The following SEPTIN2 variants were observed in gnomAD, a reference collection of about 807,000 sequenced individuals.
The protein encoded by SEPTIN2 is septin-2.
SEPTIN2 carries 34 observed loss-of-function variants against 46.5 expected under a neutral mutation model. The observed-to-expected ratio is 0.73, with a 90% CI of 0.56 to 0.97. The LOEUF is 0.97. SEPTIN2 is among the 50% of genes least tolerant of loss of function. The probability of loss-of-function intolerance (pLI) is 0.00; values close to 1 mark genes in which losing one functional copy is unlikely to be tolerated. For missense variants in SEPTIN2, 347 were observed against 448.4 expected, an observed-to-expected ratio of 0.77 and a Z score of 2.04; for synonymous variants, 175 against 153.4, an observed-to-expected ratio of 1.14 and a Z score of -1.04.
intron 10 of SEPTIN2, among the ~76,000 whole-genome samples, chr2:241,347,074 G>A (rs1020335105): frequency 6.6e-6 from 1 of 152,124 alleles, no homozygotes; most frequent in Non-Finnish European, 1.5e-5. Context: ...TGGCAACATA[G>A]GGAGACCTCG....
chr2:241,350,185 A>G lies in SEPTIN2; in HGVS notation c.*11A>G, dbSNP rs201771016. ...GGGCACCACGTGTAAGGTGATGTGC[A>G]CATATCAAGAAGTCAGAGGTAGGCC... is the stretch of plus-strand genomic sequence containing the variant. On this transcript the variant is annotated 3_prime_UTR_variant, in exon 12 of 13. Coordinates refer to ENST00000391971, the MANE Select transcript of SEPTIN2 (RefSeq NM_004404.5). 1.2e-4 allele frequency: 199 copies of G among 1,599,778 alleles called. 1 individual carries two copies. The African/African-American group carries it at 2.1e-3, about 17-fold the overall frequency.
chr2:241,332,013 TTA>T (rs2079080668), intron 3 of SEPTIN2, among the ~76,000 whole-genome samples: 1 of 152,180 alleles, frequency 6.6e-6, no homozygotes, highest in African/African-American at 2.4e-5. Context: ...AACTAGATGA[TTA>T]TGTGTGAAAA....
At chr2:241,337,599 TTAAGA>T (rs1373242531) in intron 6 of SEPTIN2, 69 bp from the exon 7 acceptor site, 2 of 1,580,464 alleles carry the variant, frequency 1.3e-6, no homozygotes, top group African/African-American at 1.4e-5. Flanking sequence ...AATATAAGAA[TTAAGA>T]TAATTTGAGA....
Position 241,336,079 on chromosome 2 carries a change from G to T in SEPTIN2, c.322G>T (p.Ala108Ser). The T allele has an allele frequency of 3.1e-6, 5 of 1,614,184 alleles. No homozygotes were observed. The highest frequency in any genetic ancestry group is 3.4e-6 in the Non-Finnish European group (4 of 1,180,030). The change falls in exon 5 of 13, where the codon GCT (alanine) becomes TCT (serine). Residue 108 changes from alanine to serine, a missense_variant. Coordinates refer to ENST00000391971, the MANE Select transcript of SEPTIN2 (RefSeq NM_004404.5). Reference protein sequence around the residue: ...TVVDTPGYGDAINCRDCFKTI... With the variant: ...TVVDTPGYGDSINCRDCFKTI... ...GGTAGATACCCCTGGCTATGGTGAC[G>T]CTATCAACTGCAGAGATTGGTATGC...
rs1419731360 is a variant in SEPTIN2, at chr2:241,353,105, G to A, written c.*1168G>A. 4 of 152,206 alleles carry A rather than the reference G, an allele frequency of 2.6e-5. No individual in the cohort carries two copies. Among genetic ancestry groups the A allele is most frequent in the Non-Finnish European group, 5.9e-5 (4 of 68,038 alleles). The allele number at this position is 152,206 out of a possible 1,614,324, so 9.4% of individuals were successfully genotyped here. A position where few individuals can be genotyped will look rare whatever the true frequency, so the allele number is the denominator to read the frequency against. The stretch of plus-strand genomic sequence containing the variant: ...TGAGTAATTTTCTGATGGGAGGAAA[G>A]TAGCAGTCATCATCTTTTTGTGTGC... On this transcript the variant is annotated 3_prime_UTR_variant, in exon 13 of 13. Coordinates refer to ENST00000391971, the MANE Select transcript of SEPTIN2 (RefSeq NM_004404.5).
intron 1 of SEPTIN2, chr2:241,318,361 T>C (rs2076680357): frequency 6.6e-6 from 1 of 152,234 alleles, no homozygotes; most frequent in South Asian, 2.1e-4. Context: ...GCCTGCTCTT[T>C]TCTATCCTCA....
At chr2:241,342,858 C>G in intron 7 of SEPTIN2, 134 bp from the exon 8 acceptor site, 1 of 603,428 alleles carries the variant, frequency 1.7e-6, no homozygotes, top group South Asian at 2.1e-5. Context: ...ATTTATTTGA[C>G]AGTAACTTTC....
chr2:241,324,919 T>C (rs928434605), intron 2 of SEPTIN2: 15 of 152,244 alleles, frequency 9.9e-5, no homozygotes, highest in African/African-American at 3.4e-4. Flanking sequence ...AAAGAACATA[T>C]TCTGAGAAAA....
At chr2:241,350,245 T>A (rs1029270321) in intron 12 of SEPTIN2, 42 bp downstream of exon 12, 5 of 1,002,480 alleles carry the variant, frequency 5.0e-6, no homozygotes, top group Non-Finnish European at 6.9e-6. Context: ...AGGCAGTTAC[T>A]AACATTGTGT....
chr2:241,346,288 C>G (rs1309723468), intron 10 of SEPTIN2, 39 bp downstream of exon 10: 2 of 1,508,340 alleles, frequency 1.3e-6, no homozygotes, highest in East Asian at 2.3e-5. Flanking sequence ...TTGTGTCACC[C>G]TGAGCCACAA....
intron 9 of SEPTIN2, 58 bp from the exon 10 acceptor site, chr2:241,346,108 T>A: frequency 2.3e-6 from 3 of 1,295,396 alleles, no homozygotes; most frequent in East Asian, 2.3e-5. Context: ...GTGGTTTTTT[T>A]TCTCATGAGA....
Position 241,332,364 on chromosome 2 carries a change from T to C in SEPTIN2, c.131-2762T>C, listed in dbSNP as rs2079138503. 2.0e-5 allele frequency among the ~76,000 whole-genome samples: 3 copies of C among 152,154 alleles called. No homozygotes were observed. In the South Asian group the frequency reaches 6.2e-4, roughly 31 times the overall value. On this transcript the variant is annotated intron_variant, in intron 3 of 12. Transcript: ENST00000391971. ...CCACTTACAAAGAGGGGGCAAAAGA[T>C]CTGAATAGACATTTCACTAAGGAAG... is the stretch of plus-strand genomic sequence containing the variant.
chr2:241,318,685 C>T (rs959609693), intron 1 of SEPTIN2, among the ~76,000 whole-genome samples: 1 of 150,912 alleles, frequency 6.6e-6, no homozygotes, highest in South Asian at 2.1e-4. Flanking sequence ...TTTTTTTAAC[C>T]AGAGTATTTG....
chr2:241,335,864 G>A, intron 4 of SEPTIN2, 111 bp from the exon 5 acceptor site: 2 of 1,369,466 alleles, frequency 1.5e-6, no homozygotes, highest in East Asian at 2.3e-5. Context: ...TATCTTTGGA[G>A]AACCTACCTC....
Position 241,337,513 on chromosome 2 carries a change from A to C in SEPTIN2, c.473A>C (p.His158Pro). 1 of 1,613,738 alleles carries C rather than the reference A, an allele frequency of 6.2e-7. No individual in the cohort carries two copies. Among genetic ancestry groups the C allele is most frequent in the Non-Finnish European group, 8.5e-7 (1 of 1,179,784 alleles). The change falls in exon 6 of 13, where the codon CAT (histidine) becomes CCT (proline). Residue 158 changes from histidine to proline, a missense_variant. Coordinates refer to ENST00000391971, the MANE Select transcript of SEPTIN2 (RefSeq NM_004404.5). ...CCFYFISPFG[H>P]GLKPLDVAFM... ...TTTTACTTTATTTCACCTTTTGGACATGGGTAAGTAATTGTTTATCGTGGA... is the reference window on the plus strand; with the variant it reads ...TTTTACTTTATTTCACCTTTTGGACCTGGGTAAGTAATTGTTTATCGTGGA...
At position 241,348,665 on chromosome 2, in the gene SEPTIN2, A is replaced by G; in HGVS notation, c.984+474A>G. Among the ~76,000 whole-genome samples the G allele has an allele frequency of 2.0e-5, 3 of 152,224 alleles. No homozygotes were observed. The Middle Eastern group carries it at 0.01, about 521-fold the overall frequency. ...ATAACTACTTTATTACTATATATAC[A>G]CATCTATATATAATAATAAACATGG... On this transcript the variant is annotated intron_variant, in intron 11 of 12. Coordinates refer to ENST00000391971, the MANE Select transcript of SEPTIN2 (RefSeq NM_004404.5).
In SEPTIN2 at chr2:241,335,197, A is replaced by T. The variant is rs1367907457; in HGVS notation, c.202A>T (p.Ile68Leu). 1.2e-6 allele frequency: 2 copies of T among 1,613,348 alleles called. No individual in the cohort carries two copies. Among genetic ancestry groups the T allele is most frequent in the Non-Finnish European group, 1.7e-6 (2 of 1,179,510 alleles). ...AACTGATCTGTACCCAGAAAGAGTC[A>T]TACCTGGAGCAGCAGGTAAAAACAT... ...FLTDLYPERV[I>L]PGAAEKIERT... Residue 68 changes from isoleucine to leucine, a missense_variant, in exon 4 of 13, where the codon ATA becomes TTA. Transcript: ENST00000391971.
chr2:241,344,265 C>A (rs1575366240), intron 9 of SEPTIN2, among the ~76,000 whole-genome samples: 2 of 152,202 alleles, frequency 1.3e-5, no homozygotes, highest in African/African-American at 2.4e-5. Context: ...GGCCCCTGGT[C>A]CACTGCTCCA....
rs778559785 is a variant in SEPTIN2, at chr2:241,348,125, G to T, written c.927-9G>T. ...CAGTGTTATGATTCTGATTTCTTTCGATTCTTAGGAAAGTGGAGAATGAGG... is the reference window on the plus strand; with the variant it reads ...CAGTGTTATGATTCTGATTTCTTTCTATTCTTAGGAAAGTGGAGAATGAGG... On this transcript the variant is annotated splice_polypyrimidine_tract_variant and intron_variant, in intron 10 of 12. Transcript: ENST00000391971. The T allele has an allele frequency of 2.5e-6, 4 of 1,608,754 alleles. No individual in the cohort carries two copies. The highest frequency in any genetic ancestry group is 1.7e-6 in the Non-Finnish European group (2 of 1,177,122).
Sources: gnomAD v4.1 joint callset for allele counts (sites outside exome capture counted in the v4.1 genomes callset) on GRCh38, gnomAD v4.1.1 for gene constraint, MANE v1.5 for transcripts, NCBI Gene and HGNC (gene_info 2026-07-23, HGNC 2026-07-21) for gene names.